The following KSR2 variants were observed in gnomAD, a reference collection of about 807,000 sequenced individuals.
KSR2 encodes kinase suppressor of ras 2.
A neutral mutation model predicts 107.8 loss-of-function variants in KSR2; 25 were observed. The observed-to-expected ratio is 0.23, with a 90% CI of 0.17 to 0.32. The LOEUF (loss-of-function observed/expected upper bound fraction) is 0.32, where lower values mean the gene tolerates loss of function less well. Ranked by LOEUF, KSR2 falls within the 10% of genes least tolerant of loss-of-function variation. The probability of loss-of-function intolerance (pLI) is 1.00; values close to 1 mark genes in which losing one functional copy is unlikely to be tolerated. For missense variants in KSR2, 887 were observed against 1,268.9 expected, an observed-to-expected ratio of 0.70 and a Z score of 4.57; for synonymous variants, 480 against 507.0, an observed-to-expected ratio of 0.95 and a Z score of 0.71.
intron 7 of KSR2, among the ~76,000 whole-genome samples, chr12:117,570,835 C>G (rs1391037418): frequency 1.3e-5 from 2 of 152,172 alleles, no homozygotes; most frequent in African/African-American, 4.8e-5. Context: ...AGGGCCAGGA[C>G]CTGAACTCAG....
Position 117,842,697 on chromosome 12 carries a change from C to T in KSR2, c.472+12731G>A, listed in dbSNP as rs1322653986. Among the ~76,000 whole-genome samples the T allele has an allele frequency of 2.0e-5, 3 of 152,244 alleles. No individual in the cohort carries two copies. The highest frequency in any genetic ancestry group is 3.4e-3 in the Middle Eastern group (1 of 294). On this transcript the variant is annotated intron_variant, in intron 3 of 19. Coordinates refer to ENST00000339824, the MANE Select transcript of KSR2 (RefSeq NM_173598.6). This position sits in a 1 kb window ranked among gnomAD's most constrained non-coding sequence, Gnocchi z 4.2. The stretch of plus-strand genomic sequence containing the variant: ...TGATCAGAGATGACAGCCAGAGAGT[C>T]GGGTTCTCTTTGTTCTCATTGGGGG...
chr12:117,892,575 C>T (rs1894377996), intron 1 of KSR2, among the ~76,000 whole-genome samples: 1 of 151,920 alleles, frequency 6.6e-6, no homozygotes, highest in Non-Finnish European at 1.5e-5. Flanking sequence ...AACTACTGCC[C>T]AGAGGCCAAA....
In KSR2 at chr12:117,777,088, T is replaced by TTATATATATATATATATATATATATATA. The variant is rs1288633301; in HGVS notation, c.473-15565_473-15564insTATATATATATATATATATATATATATA. Among the ~76,000 whole-genome samples the TTATATATATATATATATATATATATATA allele has an allele frequency of 1.5e-4, 20 of 132,532 alleles. 1 individual carries two copies. Among genetic ancestry groups the TTATATATATATATATATATATATATATA allele is most frequent in the African/African-American group, 6.2e-4 (20 of 32,196 alleles). The allele number at this position is 132,532 out of a possible 152,430, so 86.9% of individuals were successfully genotyped here. On this transcript the variant is annotated intron_variant, in intron 3 of 19. Transcript: ENST00000339824. ...AGACACTGTATTTAATATATATATT[T>TTATATATATATATATATATATATATATA]TATATATATATATATATATACACAC...
intron 4 of KSR2, among the ~76,000 whole-genome samples, chr12:117,733,743 T>C (rs1413750740): frequency 6.6e-6 from 1 of 152,128 alleles, no homozygotes; most frequent in Non-Finnish European, 1.5e-5. Context: ...CCCTTTCCCC[T>C]CTGAATTATA....
In KSR2 at chr12:117,459,186, A is replaced by C. The variant is rs535555466; in HGVS notation, c.*8013T>G. 1 of 152,374 alleles carries C rather than the reference A, an allele frequency of 6.6e-6. No individual in the cohort carries two copies. Among genetic ancestry groups the C allele is most frequent in the African/African-American group, 2.4e-5 (1 of 41,586 alleles). The allele number at this position is 152,374 out of a possible 1,614,324, so 9.4% of individuals were successfully genotyped here. On this transcript the variant is annotated 3_prime_UTR_variant, in exon 20 of 20. Coordinates refer to ENST00000339824, the MANE Select transcript of KSR2 (RefSeq NM_173598.6). Reference sequence around the variant, plus strand: ...CATTTTCCAAGTTCCCTAACTGAGAAGAAACATCTGCAGAGCGCTGATAGA... The same window carrying C: ...CATTTTCCAAGTTCCCTAACTGAGACGAAACATCTGCAGAGCGCTGATAGA...
At chr12:117,814,430 G>A (rs973242105) in intron 3 of KSR2, among the ~76,000 whole-genome samples, 1 of 152,038 alleles carries the variant, frequency 6.6e-6, no homozygotes, top group South Asian at 2.1e-4. Flanking sequence ...GGAGGATGGG[G>A]GTGGGAGATG....
intron 4 of KSR2, among the ~76,000 whole-genome samples, chr12:117,756,883 C>T (rs1189601311): frequency 6.6e-6 from 1 of 151,982 alleles, no homozygotes; most frequent in African/African-American, 2.4e-5. Context: ...GATGAAACTC[C>T]ATCTCTCCTA....
chr12:117,891,400 G>A (rs193172080), intron 1 of KSR2, among the ~76,000 whole-genome samples: 8 of 149,362 alleles, frequency 5.4e-5, no homozygotes, highest in Admixed American at 2.0e-4. Context: ...TGGACAACAA[G>A]AGCGAGACTC....
intron 12 of KSR2, 147 bp downstream of exon 12, chr12:117,530,794 G>C: frequency 1.5e-6 from 1 of 669,212 alleles, no homozygotes; most frequent in East Asian, 2.7e-5. Context: ...TATTCCCTAT[G>C]TCTCTCTGAC....
At chr12:117,624,025 C>T (rs1373967678) in intron 5 of KSR2, among the ~76,000 whole-genome samples, 2 of 152,168 alleles carry the variant, frequency 1.3e-5, no homozygotes, top group Non-Finnish European at 2.9e-5. Context: ...GCATAGATGT[C>T]TTCTTTTGAG....
chr12:117,542,281 T>C lies in KSR2; in HGVS notation c.1519-2394A>G, dbSNP rs112927530. Among the ~76,000 whole-genome samples the C allele has an allele frequency of 3.0e-4, 46 of 152,218 alleles. 1 individual carries two copies. The highest frequency in any genetic ancestry group is 9.4e-4 in the African/African-American group (39 of 41,462). ...TATGTAGGTACCCACCTCCTTCGTA[T>C]TGAGTAGAGGTGCTTTGTCATCAAT... On this transcript the variant is annotated intron_variant, in intron 9 of 19. Coordinates refer to ENST00000339824, the MANE Select transcript of KSR2 (RefSeq NM_173598.6).
intron 7 of KSR2, among the ~76,000 whole-genome samples, chr12:117,576,557 G>A (rs1879296974): frequency 1.3e-5 from 2 of 152,136 alleles, no homozygotes; most frequent in Admixed American, 1.3e-4. Context: ...GAGTGCAGTG[G>A]TGCAATCACA....
At chr12:117,477,301 C>T (rs1250103660) in intron 16 of KSR2, among the ~76,000 whole-genome samples, 3 of 152,162 alleles carry the variant, frequency 2.0e-5, no homozygotes, top group Admixed American at 2.0e-4. Flanking sequence ...TCTGCATGTC[C>T]CTGAATAACT....
At chr12:117,809,100 C>T (rs1891107795) in intron 3 of KSR2, among the ~76,000 whole-genome samples, 1 of 152,088 alleles carries the variant, frequency 6.6e-6, no homozygotes, top group African/African-American at 2.4e-5. Flanking sequence ...CATTTTTAGT[C>T]TTTACCTAAA....
intron 4 of KSR2, among the ~76,000 whole-genome samples, chr12:117,735,288 A>C (rs559962251): frequency 4.6e-5 from 7 of 152,332 alleles, no homozygotes; most frequent in Non-Finnish European, 7.3e-5. Flanking sequence ...TCCAGAAATG[A>C]CACCACCCTC....
chr12:117,582,346 C>G lies in KSR2; in HGVS notation c.1185G>C (p.Val395=). 1 of 1,613,674 alleles carries G rather than the reference C, an allele frequency of 6.2e-7. No individual in the cohort carries two copies. ...GAGGGATCTGCGGGGACCAGCGTGG[C>G]ACTGACAGTGTGTCTACAGAGAGAA... The part of the protein sequence containing the change: ...EANFSANTLS[V]PRWSPQIPRR... The change falls in exon 6 of 20, where the codon GTG becomes GTC. Residue 395 remains valine, a synonymous_variant. Transcript: ENST00000339824.
chr12:117,540,812 T>C (rs1348262572), intron 9 of KSR2, among the ~76,000 whole-genome samples: 5 of 152,208 alleles, frequency 3.3e-5, no homozygotes, highest in African/African-American at 1.2e-4. Flanking sequence ...CTTGCTGGCA[T>C]CTTGACATTG....
intron 1 of KSR2, among the ~76,000 whole-genome samples, chr12:117,942,406 G>A (rs1205406912): frequency 6.6e-6 from 1 of 151,750 alleles, no homozygotes; most frequent in Non-Finnish European, 1.5e-5. Flanking sequence ...CCCAGCCTCT[G>A]GTAACCACCA....
chr12:117,871,211 T>C (rs529147906), intron 1 of KSR2, among the ~76,000 whole-genome samples: 1 of 152,308 alleles, frequency 6.6e-6, no homozygotes, highest in Admixed American at 6.5e-5. Context: ...AAGTGTCAAA[T>C]AACTTGCCCA....
Sources: allele counts gnomAD v4.1 joint callset (sites outside exome capture counted in the v4.1 genomes callset), GRCh38; gene constraint gnomAD v4.1.1; non-coding constraint Gnocchi (gnomAD v3.1); transcripts MANE v1.5; gene names NCBI Gene and HGNC (gene_info 2026-07-23, HGNC 2026-07-21).